The following ATF3 variants were observed in gnomAD, a reference collection of about 807,000 sequenced individuals.
ATF3 encodes activating transcription factor 3.
In ATF3, 10 loss-of-function variants were observed where a neutral mutation model predicts 18.4. The ratio of observed to expected loss-of-function variants is 0.54; its 90% CI spans 0.34 to 0.92. ATF3 has a LOEUF of 0.92. ATF3 is among the 40% of genes least tolerant of loss of function. The pLI, the probability that ATF3 is intolerant of heterozygous loss-of-function variation, is 0.02. For missense variants in ATF3, 183 were observed against 222.3 expected (o/e 0.82, Z 1.12); for synonymous variants, 78 against 87.9 (o/e 0.89, Z 0.63).
chr1:212,586,471 A>G, intron 1 of ATF3, among the ~76,000 whole-genome samples: 1 of 152,222 alleles, frequency 6.6e-6, no homozygotes, highest in East Asian at 1.9e-4. Context: ...CAGCACCAAG[A>G]GCAATGCCTG....
intron 1 of ATF3, among the ~76,000 whole-genome samples, chr1:212,585,519 C>T (rs1207805601): frequency 6.6e-6 from 1 of 152,232 alleles, no homozygotes; most frequent in Non-Finnish European, 1.5e-5. Context: ...GATGTAGGGG[C>T]TTGCCTCTGT....
intron 1 of ATF3, among the ~76,000 whole-genome samples, chr1:212,580,340 T>G (rs76117590): frequency 6.6e-6 from 1 of 151,976 alleles, no homozygotes; most frequent in African/African-American, 2.4e-5. Flanking sequence ...TTTTTTTTTT[T>G]GAGATGGAGT....
intron 1 of ATF3, among the ~76,000 whole-genome samples, chr1:212,584,567 A>G (rs755547105): frequency 3.0e-4 from 46 of 152,180 alleles, no homozygotes; most frequent in Non-Finnish European, 5.4e-4. Flanking sequence ...TCAGGACTTC[A>G]GACAACTGGA....
intron 2 of ATF3, among the ~76,000 whole-genome samples, chr1:212,615,921 C>T (rs1390495964): frequency 6.6e-6 from 1 of 151,380 alleles, no homozygotes; most frequent in African/African-American, 2.4e-5. Context: ...TCCCAAAACA[C>T]TGGGATCACA....
Position 212,618,033 on chromosome 1 carries a change from G to A in ATF3, c.241-94G>A. 2 of 1,321,896 alleles carry A rather than the reference G, an allele frequency of 1.5e-6. No homozygotes were observed. The highest frequency in any genetic ancestry group is 1.5e-5 in the African/African-American group (1 of 68,368). 81.9% of individuals were successfully genotyped at this position (1,321,896 alleles called of 1,614,324 possible). A position where few individuals can be genotyped will look rare whatever the true frequency, so the allele number is the denominator to read the frequency against. ...GTCTTTTAGCGCTAGCATTGCCCTTGTCTGCCAGCTTTTGCTGGCAGTAAA... is the reference window on the plus strand; with the variant it reads ...GTCTTTTAGCGCTAGCATTGCCCTTATCTGCCAGCTTTTGCTGGCAGTAAA... On this transcript the variant is annotated intron_variant, in intron 2 of 3. Transcript: ENST00000341491. The surrounding 1 kb of genome is among the most constrained non-coding windows in gnomAD (Gnocchi z 4.4).
chr1:212,619,716 C>T lies in ATF3; in HGVS notation c.*161C>T. ...GCCTGCAGTGATTCAGCAGGCCCTT[C>T]CCATTCTGCCCCAGAGTGGGTCTTG... On this transcript the variant is annotated 3_prime_UTR_variant, in exon 4 of 4. Coordinates refer to ENST00000341491, the MANE Select transcript of ATF3 (RefSeq NM_001674.4). This position sits in a 1 kb window ranked among gnomAD's most constrained non-coding sequence, Gnocchi z 4.4. The T allele has an allele frequency of 1.1e-6, 1 of 930,808 alleles. No homozygotes were observed. The highest frequency in any genetic ancestry group is 1.6e-6 in the Non-Finnish European group (1 of 630,140). 57.7% of individuals were successfully genotyped at this position (930,808 alleles called of 1,614,324 possible). A position where few individuals can be genotyped will look rare whatever the true frequency, so the allele number is the denominator to read the frequency against.
chr1:212,566,731 G>A (rs1447320704), intron 1 of ATF3, among the ~76,000 whole-genome samples: 1 of 152,182 alleles, frequency 6.6e-6, no homozygotes, highest in African/African-American at 2.4e-5. Flanking sequence ...GTCTGAGGGG[G>A]TCATGCTGCT....
At chr1:212,579,006 CTTTTTT>C (rs10565752) in intron 1 of ATF3, among the ~76,000 whole-genome samples, 23 of 84,542 alleles carry the variant, frequency 2.7e-4, no homozygotes, top group African/African-American at 9.6e-4. Context: ...TCTCTGGAGA[CTTTTTT>C]TTTTTTTTTT....
intron 1 of ATF3, among the ~76,000 whole-genome samples, chr1:212,612,632 GAGA>G (rs1334106088): frequency 6.6e-6 from 1 of 152,236 alleles, no homozygotes; most frequent in Non-Finnish European, 1.5e-5. Flanking sequence ...ATTAAATTGA[GAGA>G]AGAACTTCAG....
At position 212,620,744 on chromosome 1, in the gene ATF3, A is replaced by C. The variant is rs1255643180; in HGVS notation, c.*1189A>C. On this transcript the variant is annotated 3_prime_UTR_variant, in exon 4 of 4. Coordinates refer to ENST00000341491, the MANE Select transcript of ATF3 (RefSeq NM_001674.4). ...TATCCTAGTATTCCTAACCTGTCAG[A>C]ATAATAAATATTGGAACCAAGACAT... is the stretch of plus-strand genomic sequence containing the variant. 6.6e-6 allele frequency: 1 copy of C among 152,644 alleles called. No individual in the cohort carries two copies. The allele number at this position is 152,644 out of a possible 1,614,324, so 9.5% of individuals were successfully genotyped here.
intron 1 of ATF3, among the ~76,000 whole-genome samples, chr1:212,611,909 A>G (rs1654909293): frequency 6.6e-6 from 1 of 152,250 alleles, no homozygotes; most frequent in Non-Finnish European, 1.5e-5. Context: ...TGATCAGCAT[A>G]GAAAGTCAAC....
upstream of ATF3, among the ~76,000 whole-genome samples, chr1:212,604,786 G>A (rs1001998391): frequency 3.3e-5 from 5 of 152,258 alleles, no homozygotes; most frequent in African/African-American, 4.8e-5. Flanking sequence ...CCTTAGAAAC[G>A]GGGAGTGCCT....
upstream of ATF3, among the ~76,000 whole-genome samples, chr1:212,605,443 G>A (rs1200140321): frequency 6.6e-6 from 1 of 152,346 alleles, no homozygotes; most frequent in East Asian, 1.9e-4. Flanking sequence ...GAAGTAGGTT[G>A]AGCCAGGCAG....
At chr1:212,607,863 G>A (rs1654687121), upstream of ATF3, among the ~76,000 whole-genome samples, 1 of 152,024 alleles carries the variant, frequency 6.6e-6, no homozygotes, top group Admixed American at 6.5e-5. Flanking sequence ...CGCTCTTGTT[G>A]GTTTCACTGA....
intron 1 of ATF3, among the ~76,000 whole-genome samples, chr1:212,565,669 G>A (rs1051318233): frequency 6.6e-6 from 1 of 152,166 alleles, no homozygotes; most frequent in Non-Finnish European, 1.5e-5. Context: ...AGTGATCTGA[G>A]GGATAGGGAT....
intron 1 of ATF3, among the ~76,000 whole-genome samples, chr1:212,574,996 C>T (rs534229503): frequency 6.7e-6 from 1 of 150,154 alleles, no homozygotes; most frequent in Admixed American, 6.6e-5. Context: ...GAATTAGCTT[C>T]TTAAGAATTG....
chr1:212,576,773 G>C (rs1222398211), intron 1 of ATF3, among the ~76,000 whole-genome samples: 1 of 121,608 alleles, frequency 8.2e-6, no homozygotes, highest in Non-Finnish European at 1.6e-5. Context: ...TGTCGCCCAG[G>C]CTGGAGTGCA....
chr1:212,616,486 C>T (rs1359826598), intron 2 of ATF3, among the ~76,000 whole-genome samples: 3 of 151,990 alleles, frequency 2.0e-5, no homozygotes, highest in African/African-American at 7.3e-5. Context: ...TTAGTAGAGA[C>T]GGGGTTTCTC....
At chr1:212,607,027 G>A (rs1654647559), upstream of ATF3, among the ~76,000 whole-genome samples, 1 of 152,094 alleles carries the variant, frequency 6.6e-6, no homozygotes, top group South Asian at 2.1e-4. Context: ...TTCAGGTCCA[G>A]AGCAGGATCT....
Sources: gnomAD v4.1 joint callset for allele counts (sites outside exome capture counted in the v4.1 genomes callset) on GRCh38, gnomAD v4.1.1 for gene constraint, Gnocchi (gnomAD v3.1) non-coding constraint, MANE v1.5 for transcripts, NCBI Gene and HGNC (gene_info 2026-07-23, HGNC 2026-07-21) for gene names.